Variants in BRINP1 observed in about 807,000 individuals in gnomAD.
BRINP1 encodes the protein BMP/retinoic acid inducible neural specific 1.
Under a neutral mutation model 72.9 loss-of-function variants are expected in BRINP1, and 17 were observed. That is an observed-to-expected ratio of 0.23 (90% CI 0.16 to 0.35). The LOEUF is 0.35. Among genes scored for constraint, BRINP1 ranks in the 10% least tolerant of loss-of-function variants. The pLI is 1.00. For synonymous variants in BRINP1, 418 were observed against 378.5 expected, an observed-to-expected ratio of 1.10 and a Z score of -1.21; for missense variants, 850 against 1,001.6, an observed-to-expected ratio of 0.85 and a Z score of 2.04.
intron 2 of BRINP1, among the ~76,000 whole-genome samples, chr9:119,295,429 T>A (rs1485097329): frequency 6.6e-6 from 1 of 152,244 alleles, no homozygotes; most frequent in African/African-American, 2.4e-5. Context: ...CTCTATAGCA[T>A]AGCCTATTGC....
At chr9:119,248,906 C>G (rs112945016) in intron 3 of BRINP1, 54 bp downstream of exon 3, 11 of 1,499,240 alleles carry the variant, frequency 7.3e-6, no homozygotes, top group Non-Finnish European at 1.0e-5. Context: ...CTCTCCCTTC[C>G]CATCCCAAAC....
At position 119,238,767 on chromosome 9, in the gene BRINP1, T is replaced by C; in HGVS notation, c.580-7A>G. ...CAGTGCGTGTCTCTGTGACCTGCAG[T>C]AGATATCAAATAAGATAGGTGTGAG... On this transcript the variant is annotated splice_region_variant and splice_polypyrimidine_tract_variant and intron_variant, in intron 4 of 7. Transcript: ENST00000265922. 1.3e-6 allele frequency: 2 copies of C among 1,559,842 alleles called. No individual in the cohort carries two copies. Among genetic ancestry groups the C allele is most frequent in the Non-Finnish European group, 8.8e-7 (1 of 1,136,156 alleles).
At chr9:119,207,909 C>A (rs1829875289) in intron 7 of BRINP1, among the ~76,000 whole-genome samples, 4 of 152,168 alleles carry the variant, frequency 2.6e-5, no homozygotes, top group Admixed American at 2.0e-4. Flanking sequence ...CTTTTGCTGT[C>A]TTGTGATGCC....
chr9:119,191,426 TTAAA>T (rs1419372261), intron 7 of BRINP1, among the ~76,000 whole-genome samples: 3 of 151,838 alleles, frequency 2.0e-5, no homozygotes, highest in Non-Finnish European at 2.9e-5. Flanking sequence ...AATAAATGCA[TTAAA>T]TAAAGTTGAA....
At position 119,238,665 on chromosome 9, in the gene BRINP1, C is replaced by A. The variant is rs897968283; in HGVS notation, c.675G>T (p.Leu225=). Residue 225 remains leucine, a synonymous_variant, in exon 5 of 8, where the codon CTG becomes CTT. Coordinates refer to ENST00000265922, the MANE Select transcript of BRINP1 (RefSeq NM_014618.3). ...SVLLQSTESK[L]HLQGLQIIFP... ...CCACTGGCTTCCTACCTTGAAGGTG[C>A]AGTTTGCTCTCCGTGCTTTGCAGAA... The A allele has an allele frequency of 1.2e-6, 2 of 1,606,606 alleles. No homozygotes were observed. The highest frequency in any genetic ancestry group is 1.7e-6 in the Non-Finnish European group (2 of 1,176,822).
At chr9:119,367,925 T>C (rs566305316) in intron 1 of BRINP1, among the ~76,000 whole-genome samples, 3 of 152,194 alleles carry the variant, frequency 2.0e-5, no homozygotes, top group Middle Eastern at 3.4e-3. Flanking sequence ...TGGAGAGGCA[T>C]ATTTAGGGAG....
chr9:119,361,882 C>T (rs376223775), intron 1 of BRINP1, among the ~76,000 whole-genome samples: 10 of 147,662 alleles, frequency 6.8e-5, no homozygotes, highest in South Asian at 4.3e-4. Flanking sequence ...CAGCTCACTG[C>T]AACCTCTGCC....
At chr9:119,315,069 G>A (rs1019133933) in intron 1 of BRINP1, among the ~76,000 whole-genome samples, 5 of 152,172 alleles carry the variant, frequency 3.3e-5, no homozygotes, top group South Asian at 2.1e-4. Flanking sequence ...TTAAAAAAGC[G>A]TTATTTGTTT....
intron 2 of BRINP1, among the ~76,000 whole-genome samples, chr9:119,268,639 T>C (rs1830578013): frequency 6.6e-6 from 1 of 152,248 alleles, no homozygotes; most frequent in East Asian, 1.9e-4. Context: ...CCTAGATTTA[T>C]CTTATTCATT....
intron 5 of BRINP1, among the ~76,000 whole-genome samples, chr9:119,217,154 G>A (rs1263552739): frequency 6.6e-6 from 1 of 152,128 alleles, no homozygotes; most frequent in Non-Finnish European, 1.5e-5. Flanking sequence ...CCAACAAAGA[G>A]GCCCAGTGCT....
chr9:119,335,593 C>G lies in BRINP1; in HGVS notation c.-50-22188G>C, dbSNP rs528517629. On this transcript the variant is annotated intron_variant, in intron 1 of 7. Transcript: ENST00000265922. ...TGATCAACAGGAACCTAATGGACACCTATCCAATATTAGTGATTCATTCAA... is the reference window on the plus strand; with the variant it reads ...TGATCAACAGGAACCTAATGGACACGTATCCAATATTAGTGATTCATTCAA... 4.6e-5 allele frequency among the ~76,000 whole-genome samples: 7 copies of G among 152,282 alleles called. No homozygotes were observed. In the South Asian group the frequency reaches 1.5e-3, roughly 32 times the overall value.
chr9:119,313,151 A>G lies in BRINP1; in HGVS notation c.205T>C (p.Tyr69His), dbSNP rs1228574286. Residue 69 changes from tyrosine to histidine, a missense_variant, in exon 2 of 8, where the codon TAT becomes CAT. By Grantham distance (83) the Tyr-to-His change is moderately conservative. Transcript: ENST00000265922. ...CCCAGGTCTTACCTGTATATTTTAT[A>G]TCTGGTTGTAAATCCTTGACGGTGT... ...ERHRQGFTTR[Y>H]KIYREFARWK... The G allele has an allele frequency of 1.9e-6, 3 of 1,613,882 alleles. No homozygotes were observed. The highest frequency in any genetic ancestry group is 2.7e-5 in the African/African-American group (2 of 74,926).
chr9:119,204,772 C>G (rs1829836433), intron 7 of BRINP1, among the ~76,000 whole-genome samples: 1 of 152,120 alleles, frequency 6.6e-6, no homozygotes, highest in Admixed American at 6.6e-5. Context: ...TGTTATTATC[C>G]CCTTTCACAA....
At chr9:119,263,843 T>C (rs1007119645) in intron 2 of BRINP1, among the ~76,000 whole-genome samples, 2 of 151,920 alleles carry the variant, frequency 1.3e-5, no homozygotes, top group African/African-American at 4.8e-5. Context: ...CTCCTGACCT[T>C]GTGATCCGCC....
intron 7 of BRINP1, among the ~76,000 whole-genome samples, chr9:119,176,060 C>G (rs1042482440): frequency 1.3e-5 from 2 of 152,150 alleles, no homozygotes; most frequent in African/African-American, 4.8e-5. Flanking sequence ...AGGCTTAACC[C>G]CAAACTTGGT....
At chr9:119,186,741 C>A (rs1311378181) in intron 7 of BRINP1, among the ~76,000 whole-genome samples, 1 of 152,150 alleles carries the variant, frequency 6.6e-6, no homozygotes, top group East Asian at 1.9e-4. Flanking sequence ...GACTGAGAGG[C>A]CCTACCTCCA....
chr9:119,260,121 T>C (rs768307627), intron 2 of BRINP1, among the ~76,000 whole-genome samples: 1 of 152,224 alleles, frequency 6.6e-6, no homozygotes, highest in African/African-American at 2.4e-5. Context: ...ATTCACTGAA[T>C]ATCTGGCTCT....
intron 7 of BRINP1, among the ~76,000 whole-genome samples, chr9:119,192,778 A>G (rs1432971168): frequency 6.6e-6 from 1 of 152,134 alleles, no homozygotes; most frequent in Non-Finnish European, 1.5e-5. Flanking sequence ...ATCAGCACAG[A>G]TAAAGATATC....
intron 1 of BRINP1, among the ~76,000 whole-genome samples, chr9:119,321,167 G>A (rs1263362045): frequency 6.6e-6 from 1 of 152,142 alleles, no homozygotes; most frequent in Non-Finnish European, 1.5e-5. Context: ...TCCAGACCTC[G>A]TGATCCACCC....
Sources: allele counts gnomAD v4.1 joint callset (sites outside exome capture counted in the v4.1 genomes callset), GRCh38; gene constraint gnomAD v4.1.1; transcripts MANE v1.5; gene names NCBI Gene and HGNC (gene_info 2026-07-23, HGNC 2026-07-21).